The following CNTNAP2 variants were observed in gnomAD, a reference collection of about 807,000 sequenced individuals.
CNTNAP2 encodes contactin associated protein 2.
A neutral mutation model predicts 155.2 loss-of-function variants in CNTNAP2; 98 were observed. That is an observed-to-expected ratio of 0.63 (90% CI 0.54 to 0.75). The LOEUF (loss-of-function observed/expected upper bound fraction) is 0.75, where lower values mean the gene tolerates loss of function less well. Among genes scored for constraint, CNTNAP2 ranks in the 30% least tolerant of loss-of-function variants. The pLI is 0.00. For missense variants in CNTNAP2, 1,727 were observed against 1,688.1 expected, an observed-to-expected ratio of 1.02 and a Z score of -0.40; for synonymous variants, 651 against 631.2, an observed-to-expected ratio of 1.03 and a Z score of -0.47.
At chr7:147,972,126 T>C (rs1801343702) in intron 14 of CNTNAP2, among the ~76,000 whole-genome samples, 1 of 152,240 alleles carries the variant, frequency 6.6e-6, no homozygotes, top group African/African-American at 2.4e-5. Context: ...TCTTCTCATG[T>C]GTTTATGTTG....
At position 148,379,061 on chromosome 7, in the gene CNTNAP2, A is replaced by G. The variant is rs1195523720; in HGVS notation, c.3476-4588A>G. Reference sequence around the variant, plus strand: ...GTCAGGGCTGGAACCAGGTTTGGCCATCTGTGTTGACCCCACAGATTCTAT... The same window carrying G: ...GTCAGGGCTGGAACCAGGTTTGGCCGTCTGTGTTGACCCCACAGATTCTAT... On this transcript the variant is annotated intron_variant, in intron 21 of 23. Coordinates refer to ENST00000361727, the MANE Select transcript of CNTNAP2 (RefSeq NM_014141.6). Among the ~76,000 whole-genome samples the G allele has an allele frequency of 3.0e-5, 2 of 66,934 alleles. 1 individual carries two copies. The highest frequency in any genetic ancestry group is 4.3e-4 in the Admixed American group (2 of 4,684). 43.9% of individuals were successfully genotyped at this position (66,934 alleles called of 152,430 possible). A position where few individuals can be genotyped will look rare whatever the true frequency, so the allele number is the denominator to read the frequency against.
chr7:147,178,674 G>A (rs10239967), intron 8 of CNTNAP2, among the ~76,000 whole-genome samples: 19,763 of 152,026 alleles, frequency 0.13, 1,280 homozygotes, highest in African/African-American at 0.16. Context: ...TGCAGTGTCC[G>A]GGTCTCTGAA....
intron 14 of CNTNAP2, among the ~76,000 whole-genome samples, chr7:147,905,978 G>A (rs574081889): frequency 2.0e-5 from 3 of 151,932 alleles, no homozygotes; most frequent in Non-Finnish European, 2.9e-5. Context: ...AATCCATAAC[G>A]TCTTGGAGGA....
chr7:147,077,474 C>T (rs1304522652), intron 4 of CNTNAP2, among the ~76,000 whole-genome samples: 1 of 152,176 alleles, frequency 6.6e-6, no homozygotes, highest in Non-Finnish European at 1.5e-5. Flanking sequence ...GTTTCATATT[C>T]TTAGGTAGAC....
At chr7:146,796,451 T>G (rs1008087480) in intron 2 of CNTNAP2, among the ~76,000 whole-genome samples, 1 of 152,106 alleles carries the variant, frequency 6.6e-6, no homozygotes, top group Non-Finnish European at 1.5e-5. Flanking sequence ...ATCATCTTGA[T>G]GCGGAAACTG....
chr7:148,186,850 G>GCTAT (rs1795123820), intron 18 of CNTNAP2, among the ~76,000 whole-genome samples: 2 of 152,078 alleles, frequency 1.3e-5, no homozygotes, highest in African/African-American at 2.4e-5. Context: ...CACGGTCAGT[G>GCTAT]GTCCAATTTG....
intron 1 of CNTNAP2, among the ~76,000 whole-genome samples, chr7:146,567,775 C>T (rs904539611): frequency 6.6e-6 from 1 of 152,056 alleles, no homozygotes; most frequent in Non-Finnish European, 1.5e-5. Context: ...GGCTGGAGTG[C>T]AGTGGCGCGA....
At chr7:148,357,828 A>G (rs1393872181) in intron 21 of CNTNAP2, among the ~76,000 whole-genome samples, 2 of 152,228 alleles carry the variant, frequency 1.3e-5, no homozygotes, top group Non-Finnish European at 2.9e-5. Context: ...CAAAATGATT[A>G]CTTTATAGTT....
intron 1 of CNTNAP2, among the ~76,000 whole-genome samples, chr7:146,723,762 A>G (rs370451437): frequency 5.3e-5 from 8 of 152,218 alleles, no homozygotes; most frequent in African/African-American, 1.9e-4. Context: ...AAGAGAAGAC[A>G]TTATGAAAGT....
intron 14 of CNTNAP2, among the ~76,000 whole-genome samples, chr7:147,924,107 C>T (rs1183533146): frequency 6.6e-6 from 1 of 151,340 alleles, no homozygotes. Flanking sequence ...AAATGCTGGG[C>T]ACCACTCTAA....
At chr7:146,790,170 C>G (rs377726089) in intron 2 of CNTNAP2, among the ~76,000 whole-genome samples, 10 of 152,132 alleles carry the variant, frequency 6.6e-5, no homozygotes, top group African/African-American at 2.4e-4. Context: ...AGCAAAGACT[C>G]ATTTGACCAA....
At chr7:147,944,138 T>C (rs1365101907) in intron 14 of CNTNAP2, among the ~76,000 whole-genome samples, 1 of 152,212 alleles carries the variant, frequency 6.6e-6, no homozygotes, top group Non-Finnish European at 1.5e-5. Context: ...GATCTTCTAT[T>C]CAATGGAAGA....
intron 11 of CNTNAP2, among the ~76,000 whole-genome samples, chr7:147,533,103 G>A (rs1799471488): frequency 6.6e-6 from 1 of 152,222 alleles, no homozygotes; most frequent in Admixed American, 6.5e-5. Flanking sequence ...TTCAGATGAT[G>A]TGTAAGAGAA....
chr7:146,270,752 A>G (rs530313227), intron 1 of CNTNAP2, among the ~76,000 whole-genome samples: 4 of 152,266 alleles, frequency 2.6e-5, no homozygotes, highest in Admixed American at 2.6e-4. Context: ...CAGATTTATA[A>G]TGTTCTGACT....
chr7:146,308,098 C>T (rs1342212269), intron 1 of CNTNAP2, among the ~76,000 whole-genome samples: 1 of 152,126 alleles, frequency 6.6e-6, no homozygotes, highest in Non-Finnish European at 1.5e-5. Context: ...GGCTAATATC[C>T]AGAATCTACA....
At chr7:147,657,149 A>C (rs1795537568) in intron 13 of CNTNAP2, among the ~76,000 whole-genome samples, 2 of 152,246 alleles carry the variant, frequency 1.3e-5, no homozygotes, top group Admixed American at 1.3e-4. Context: ...GCTTATTTGA[A>C]AAGCAAACAA....
chr7:147,104,785 T>A (rs947942261), intron 4 of CNTNAP2, among the ~76,000 whole-genome samples: 5 of 148,964 alleles, frequency 3.4e-5, no homozygotes, highest in Non-Finnish European at 7.5e-5. Context: ...AAACTCAAAT[T>A]ATTAGTGTAC....
At chr7:147,055,513 G>A (rs762962832) in intron 4 of CNTNAP2, among the ~76,000 whole-genome samples, 1 of 152,238 alleles carries the variant, frequency 6.6e-6, no homozygotes, top group Non-Finnish European at 1.5e-5. Flanking sequence ...TTCCTGTCCT[G>A]GGGTTATGGG....
chr7:147,177,927 C>G (rs1454545428), intron 8 of CNTNAP2, among the ~76,000 whole-genome samples: 1 of 152,004 alleles, frequency 6.6e-6, no homozygotes, highest in Non-Finnish European at 1.5e-5. Context: ...ATTGAAAATA[C>G]CTTACGTCTA....
Sources: gnomAD v4.1 joint callset for allele counts (sites outside exome capture counted in the v4.1 genomes callset) on GRCh38, gnomAD v4.1.1 for gene constraint, MANE v1.5 for transcripts, NCBI Gene and HGNC (gene_info 2026-07-23, HGNC 2026-07-21) for gene names.